The following CAPZA2 variants were observed in gnomAD, a reference collection of about 807,000 sequenced individuals.
CAPZA2 encodes the protein F-actin-capping protein subunit alpha-2.
Under a neutral mutation model 44.0 loss-of-function variants are expected in CAPZA2, and 13 were observed. The ratio of observed to expected loss-of-function variants is 0.30; its 90% CI spans 0.19 to 0.47. CAPZA2 has a LOEUF of 0.47. Ranked by LOEUF, CAPZA2 falls within the 20% of genes least tolerant of loss-of-function variation. CAPZA2 has a pLI of 1.00. For synonymous variants in CAPZA2, 94 were observed against 108.2 expected, an observed-to-expected ratio of 0.87 and a Z score of 0.81; for missense variants, 244 against 338.6, an observed-to-expected ratio of 0.72 and a Z score of 2.19.
At chr7:116,910,947 C>T (rs540980357) in intron 7 of CAPZA2, among the ~76,000 whole-genome samples, 176 of 145,904 alleles carry the variant, frequency 1.2e-3, no homozygotes, top group Non-Finnish European at 1.9e-3. Flanking sequence ...GCCGAGATTG[C>T]GCCACTGCAC....
At chr7:116,868,947 A>G (rs1227986208) in intron 1 of CAPZA2, among the ~76,000 whole-genome samples, 1 of 152,224 alleles carries the variant, frequency 6.6e-6, no homozygotes, top group Non-Finnish European at 1.5e-5. Context: ...AATTTGTAGT[A>G]AATTTTCAGT....
At chr7:116,882,825 A>G (rs562362938) in intron 1 of CAPZA2, among the ~76,000 whole-genome samples, 2 of 152,314 alleles carry the variant, frequency 1.3e-5, no homozygotes, top group South Asian at 2.1e-4. Context: ...TTGAATCTCT[A>G]TAGGTTAACT....
intron 1 of CAPZA2, among the ~76,000 whole-genome samples, chr7:116,868,216 C>A (rs1032220981): frequency 4.6e-5 from 7 of 152,122 alleles, no homozygotes; most frequent in Non-Finnish European, 8.8e-5. Flanking sequence ...TACAATTTTG[C>A]GTAATAGTTA....
chr7:116,876,946 C>T (rs1796630188), intron 1 of CAPZA2, among the ~76,000 whole-genome samples: 1 of 152,190 alleles, frequency 6.6e-6, no homozygotes, highest in Admixed American at 6.5e-5. Flanking sequence ...CCCTGGTTCT[C>T]AGGACGTGAT....
chr7:116,878,602 C>A (rs1796650946), intron 1 of CAPZA2, among the ~76,000 whole-genome samples: 1 of 152,178 alleles, frequency 6.6e-6, no homozygotes, highest in South Asian at 2.1e-4. Context: ...CTTAACTGCG[C>A]ATTGCCACCA....
chr7:116,917,701 A>T, intron 9 of CAPZA2, 26 bp from the exon 10 acceptor site: 2 of 1,544,160 alleles, frequency 1.3e-6, no homozygotes, highest in Non-Finnish European at 1.8e-6. Context: ...GCTTTACTTT[A>T]AACTTCTAAC....
intron 1 of CAPZA2, among the ~76,000 whole-genome samples, chr7:116,884,393 C>A (rs1369726782): frequency 6.6e-6 from 1 of 152,122 alleles, no homozygotes; most frequent in African/African-American, 2.4e-5. Flanking sequence ...CGTCTCATTT[C>A]TCTGTTTGTA....
chr7:116,881,738 C>CAAAA (rs71148338), intron 1 of CAPZA2, among the ~76,000 whole-genome samples: 1 of 47,796 alleles, frequency 2.1e-5, no homozygotes, highest in Non-Finnish European at 4.2e-5. Context: ...GACTCTGTCT[C>CAAAA]AAAAAAAAAA....
chr7:116,862,882 G>A (rs1388640980), intron 1 of CAPZA2, among the ~76,000 whole-genome samples: 5 of 151,702 alleles, frequency 3.3e-5, no homozygotes, highest in Non-Finnish European at 7.4e-5. Context: ...TGTAGGGTGT[G>A]TACTCCGAAA....
chr7:116,890,419 C>T (rs1198860406), intron 2 of CAPZA2, among the ~76,000 whole-genome samples: 1 of 148,294 alleles, frequency 6.7e-6, no homozygotes, highest in Non-Finnish European at 1.5e-5. Context: ...GCCTATAATG[C>T]CAGCGCTTTG....
At chr7:116,916,365 G>A (rs184956672) in intron 9 of CAPZA2, among the ~76,000 whole-genome samples, 78 of 152,340 alleles carry the variant, frequency 5.1e-4, no homozygotes, top group African/African-American at 1.7e-3. Context: ...GGAGGCTCAC[G>A]CCTGTAATCC....
intron 2 of CAPZA2, among the ~76,000 whole-genome samples, chr7:116,890,607 CACACACATAT>C (rs1299888309): frequency 3.1e-5 from 2 of 64,662 alleles, no homozygotes; most frequent in Admixed American, 4.2e-4. Flanking sequence ...TACACACACA[CACACACATAT>C]ATACAAAAAT....
chr7:116,864,778 C>A (rs920366837), intron 1 of CAPZA2, among the ~76,000 whole-genome samples: 2 of 152,004 alleles, frequency 1.3e-5, no homozygotes, highest in African/African-American at 4.8e-5. Context: ...GTGGTTTGCA[C>A]CTGTAATGCC....
intron 8 of CAPZA2, among the ~76,000 whole-genome samples, chr7:116,914,986 G>C (rs547224290): frequency 4.6e-5 from 7 of 152,140 alleles, no homozygotes; most frequent in Non-Finnish European, 1.0e-4. Context: ...ATTGAGCGAA[G>C]ATGCTTCCTG....
intron 3 of CAPZA2, among the ~76,000 whole-genome samples, chr7:116,895,178 A>G (rs1351601821): frequency 3.3e-5 from 5 of 152,202 alleles, no homozygotes; most frequent in East Asian, 1.9e-4. Context: ...TGTGTTCTCT[A>G]TGTTAAATAA....
intron 4 of CAPZA2, among the ~76,000 whole-genome samples, chr7:116,901,122 G>A (rs889522954): frequency 6.6e-6 from 1 of 151,936 alleles, no homozygotes; most frequent in African/African-American, 2.4e-5. Context: ...ATCTAAAAAC[G>A]GAATTACCAT....
At chr7:116,902,832 G>A (rs1797014184) in intron 4 of CAPZA2, among the ~76,000 whole-genome samples, 1 of 152,068 alleles carries the variant, frequency 6.6e-6, no homozygotes, top group Non-Finnish European at 1.5e-5. Context: ...AATCTCCTGG[G>A]CTGAGTAGCT....
chr7:116,906,777 A>G (rs1791519070), intron 6 of CAPZA2: 1 of 155,064 alleles, frequency 6.4e-6, no homozygotes, highest in Non-Finnish European at 1.4e-5. Flanking sequence ...TGAGGAAATA[A>G]TGACATGTTT....
At chr7:116,874,127 C>CT (rs891488782) in intron 1 of CAPZA2, 4 of 154,864 alleles carry the variant, frequency 2.6e-5, no homozygotes, top group African/African-American at 9.7e-5. Flanking sequence ...ATTCAAAAAC[C>CT]TGCTGATACT....
Sources: gnomAD v4.1 joint callset for allele counts (sites outside exome capture counted in the v4.1 genomes callset) on GRCh38, gnomAD v4.1.1 for gene constraint, MANE v1.5 for transcripts, NCBI Gene and HGNC (gene_info 2026-07-23, HGNC 2026-07-21) for gene names.